ST3GAL6: variants seen among roughly 807,000 people sequenced by gnomAD.
ST3GAL6 encodes type 2 lactosamine alpha-2,3-sialyltransferase.
Under a neutral mutation model 40.5 loss-of-function variants are expected in ST3GAL6, and 31 were observed. The observed-to-expected ratio is 0.77, with a 90% CI of 0.58 to 1.03. ST3GAL6 has a LOEUF of 1.03. ST3GAL6 is among the 50% of genes least tolerant of loss of function. The pLI, the probability that ST3GAL6 is intolerant of heterozygous loss-of-function variation, is 0.00. For missense variants in ST3GAL6, 357 were observed against 393.2 expected (o/e 0.91, Z 0.78); for synonymous variants, 129 against 136.9 (o/e 0.94, Z 0.40).
chr3:98,780,969 AT>A (rs1368329602), intron 5 of ST3GAL6, among the ~76,000 whole-genome samples: 1 of 152,212 alleles, frequency 6.6e-6, no homozygotes, highest in African/African-American at 2.4e-5. Flanking sequence ...TACCCAAAAG[AT>A]TATAAATCAT....
intron 3 of ST3GAL6, chr3:98,771,287 A>T: frequency 4.9e-6 from 3 of 608,928 alleles, no homozygotes; most frequent in East Asian, 7.1e-5. Flanking sequence ...GTTATTTTCC[A>T]CCCTTATTAA....
At chr3:98,741,712 A>C (rs1936103162) in intron 1 of ST3GAL6, among the ~76,000 whole-genome samples, 1 of 152,188 alleles carries the variant, frequency 6.6e-6, no homozygotes, top group Non-Finnish European at 1.5e-5. Context: ...TATAACAGGT[A>C]AATTCTACAT....
chr3:98,770,917 A>G lies in ST3GAL6; in HGVS notation c.128A>G (p.Gln43Arg). The G allele has an allele frequency of 6.2e-7, 1 of 1,614,194 alleles. No homozygotes were observed. The highest frequency in any genetic ancestry group is 1.1e-5 in the South Asian group (1 of 91,088). The stretch of plus-strand genomic sequence containing the variant: ...GAAATGAAACGGAGAAATAAGATCC[A>G]GCCTTGTTTATCAAAGCCAGCTTTT... ...PVEMKRRNKI[Q>R]PCLSKPAFAS... is the part of the protein sequence containing the mutation. The change falls in exon 3 of 10, where the codon CAG becomes CGG. Residue 43 changes from glutamine to arginine, a missense_variant. Transcript: ENST00000483910.
chr3:98,747,809 A>C (rs1279208857), intron 1 of ST3GAL6, among the ~76,000 whole-genome samples: 1 of 152,212 alleles, frequency 6.6e-6, no homozygotes, highest in Non-Finnish European at 1.5e-5. Context: ...ATGTTTATGA[A>C]TATGTATGTG....
At chr3:98,767,314 A>G (rs1360847025) in intron 1 of ST3GAL6, among the ~76,000 whole-genome samples, 1 of 152,236 alleles carries the variant, frequency 6.6e-6, no homozygotes, top group Non-Finnish European at 1.5e-5. Flanking sequence ...AGTTTAAATT[A>G]TGTTTAGTAT....
intron 1 of ST3GAL6, chr3:98,733,692 A>C: frequency 1.5e-4 from 115 of 758,504 alleles, no homozygotes; most frequent in South Asian, 1.8e-4. Context: ...CGGCAATCTC[A>C]AGCCTCTTTC....
chr3:98,766,712 C>A (rs1031919373), intron 1 of ST3GAL6, among the ~76,000 whole-genome samples: 2 of 152,142 alleles, frequency 1.3e-5, no homozygotes, highest in Non-Finnish European at 2.9e-5. Context: ...TGAGCCACTG[C>A]GCCCAGCCAA....
At chr3:98,768,173 C>T (rs574650205) in intron 1 of ST3GAL6, among the ~76,000 whole-genome samples, 39 of 152,200 alleles carry the variant, frequency 2.6e-4, no homozygotes, top group African/African-American at 8.2e-4. Context: ...TAGGGGGAGG[C>T]CCCTACCTTT....
At chr3:98,746,662 C>G (rs1052838770) in intron 1 of ST3GAL6, among the ~76,000 whole-genome samples, 1 of 151,994 alleles carries the variant, frequency 6.6e-6, no homozygotes, top group African/African-American at 2.4e-5. Context: ...TGAGTCTTCA[C>G]ATTTTTGTCA....
intron 6 of ST3GAL6, among the ~76,000 whole-genome samples, chr3:98,786,955 A>AGTGTGTGTGTGTGTGTGTGT (rs60592978): frequency 4.7e-5 from 7 of 147,372 alleles, no homozygotes; most frequent in Admixed American, 6.7e-5. Flanking sequence ...ATCTGGGATA[A>AGTGTGTGTGTGTGTGTGTGT]GTGTGTGTGT....
intron 1 of ST3GAL6, chr3:98,733,677 G>A (rs1304515320): frequency 5.9e-6 from 5 of 846,750 alleles, no homozygotes; most frequent in Non-Finnish European, 7.1e-6. Flanking sequence ...CGGCTCCGGA[G>A]ATCCCGGCAA....
chr3:98,756,686 C>A, intron 1 of ST3GAL6: 1 of 655,266 alleles, frequency 1.5e-6, no homozygotes, highest in Non-Finnish European at 2.1e-6. Context: ...TTTTCTCTTA[C>A]TAGTTTTGCA....
At chr3:98,774,792 A>G (rs1939356235) in intron 5 of ST3GAL6, among the ~76,000 whole-genome samples, 1 of 152,220 alleles carries the variant, frequency 6.6e-6, no homozygotes, top group Non-Finnish European at 1.5e-5. Flanking sequence ...GTTTGCCATA[A>G]GAGCAGCGTT....
At position 98,735,114 on chromosome 3, in the gene ST3GAL6, G is replaced by A. The variant is rs1454947187; in HGVS notation, c.-12+2582G>A. ...TCTGATTTTTGGTGTGTTCTCATAT[G>A]CTATTTTATTTAATCTTCCTGACAA... is the stretch of plus-strand genomic sequence containing the variant. On this transcript the variant is annotated intron_variant, in intron 1 of 9. Transcript: ENST00000265261. Among the ~76,000 whole-genome samples, 4 of 152,122 alleles carry A rather than the reference G, an allele frequency of 2.6e-5. No homozygotes were observed. In the South Asian group the frequency reaches 8.3e-4, roughly 32 times the overall value.
chr3:98,763,425 G>T lies in ST3GAL6; in HGVS notation c.-26G>T, dbSNP rs1297848526. On this transcript the variant is annotated 5_prime_UTR_variant, in exon 1 of 10. Coordinates refer to ENST00000483910, the MANE Select transcript of ST3GAL6 (RefSeq NM_001323368.2). ...GACACAGGTGTCAGCAGGGCCACCT[G>T]GTAAAGGTATGGAGGTGAGCCATGA... 6 of 1,289,652 alleles carry T rather than the reference G, an allele frequency of 4.7e-6. No individual in the cohort carries two copies. In the Admixed American group the frequency reaches 1.4e-4, roughly 30 times the overall value. The allele number at this position is 1,289,652 out of a possible 1,614,324, so 79.9% of individuals were successfully genotyped here.
chr3:98,739,048 TAACTC>T (rs1340537693), intron 1 of ST3GAL6, among the ~76,000 whole-genome samples: 9 of 151,834 alleles, frequency 5.9e-5, no homozygotes, highest in Non-Finnish European at 1.3e-4. Context: ...ACTAAGAAAA[TAACTC>T]AAAACCATAC....
chr3:98,733,322 C>T (rs1258785611), intron 1 of ST3GAL6: 7 of 1,152,428 alleles, frequency 6.1e-6, no homozygotes, highest in Non-Finnish European at 7.5e-6. Context: ...CGGGTAAGCC[C>T]AGGAGCCGTG....
In ST3GAL6 at chr3:98,734,510, C is replaced by A. The variant is rs955119918; in HGVS notation, c.-12+1978C>A. 3.9e-5 allele frequency among the ~76,000 whole-genome samples: 6 copies of A among 152,154 alleles called. No homozygotes were observed. The East Asian group carries it at 1.2e-3, about 29-fold the overall frequency. Reference sequence around the variant, plus strand: ...GGTCATGTAGACTGGGAGGGGAGATCTTCATTCCTTGTGATGTCGCTTTCC... The same window carrying A: ...GGTCATGTAGACTGGGAGGGGAGATATTCATTCCTTGTGATGTCGCTTTCC... On this transcript the variant is annotated intron_variant, in intron 1 of 9. Coordinates refer to the ST3GAL6 transcript ENST00000265261.
chr3:98,789,601 T>C (rs773571591), intron 8 of ST3GAL6, among the ~76,000 whole-genome samples: 2 of 152,214 alleles, frequency 1.3e-5, no homozygotes, highest in Non-Finnish European at 2.9e-5. Flanking sequence ...TATAGGGGTT[T>C]TCTGCCCATT....
Sources: gnomAD v4.1 joint callset for allele counts (sites outside exome capture counted in the v4.1 genomes callset) on GRCh38, gnomAD v4.1.1 for gene constraint, MANE v1.5 for transcripts, NCBI Gene and HGNC (gene_info 2026-07-23, HGNC 2026-07-21) for gene names.